The following CNTNAP3 variants were observed in gnomAD, a reference collection of about 807,000 sequenced individuals.
The protein encoded by CNTNAP3 is contactin associated protein family member 3.
A neutral mutation model predicts 92.1 loss-of-function variants in CNTNAP3; 36 were observed. The observed-to-expected ratio is 0.39, with a 90% CI of 0.30 to 0.52. The LOEUF (loss-of-function observed/expected upper bound fraction) is 0.52, where lower values mean the gene tolerates loss of function less well. CNTNAP3 is among the 20% of genes least tolerant of loss of function. The pLI is 0.76. For missense variants in CNTNAP3, 534 were observed against 1,069.6 expected, an observed-to-expected ratio of 0.50 and a Z score of 6.98; for synonymous variants, 232 against 422.3, an observed-to-expected ratio of 0.55 and a Z score of 5.53.
chr9:39,107,471 T>G (rs994751729), intron 15 of CNTNAP3, among the ~76,000 whole-genome samples: 4 of 151,916 alleles, frequency 2.6e-5, no homozygotes, highest in African/African-American at 7.3e-5. Flanking sequence ...AAAGAAAAAT[T>G]TCATAAGAGT....
At chr9:39,076,046 C>T (rs532282256) in intron 23 of CNTNAP3, among the ~76,000 whole-genome samples, 1 of 152,300 alleles carries the variant, frequency 6.6e-6, no homozygotes, top group South Asian at 2.1e-4. Context: ...CCAGGGGAAG[C>T]CTTCCACAGA....
intron 21 of CNTNAP3, among the ~76,000 whole-genome samples, chr9:39,083,355 T>G (rs1564068287): frequency 6.6e-6 from 1 of 152,088 alleles, no homozygotes; most frequent in Non-Finnish European, 1.5e-5. Flanking sequence ...TATATATATG[T>G]AATTTTTAAG....
chr9:39,120,715 C>T (rs1272801751), intron 13 of CNTNAP3, among the ~76,000 whole-genome samples: 1 of 152,012 alleles, frequency 6.6e-6, no homozygotes, highest in East Asian at 1.9e-4. Flanking sequence ...CAAAAGAAAA[C>T]TAAAATAATT....
intron 21 of CNTNAP3, among the ~76,000 whole-genome samples, chr9:39,084,485 C>T (rs1587698109): frequency 6.6e-6 from 1 of 152,138 alleles, no homozygotes; most frequent in African/African-American, 2.4e-5. Context: ...TAAGCCACCA[C>T]ACCCGGCCAC....
At chr9:39,088,200 G>A (rs1298109817) in intron 19 of CNTNAP3, among the ~76,000 whole-genome samples, 5 of 151,702 alleles carry the variant, frequency 3.3e-5, no homozygotes, top group African/African-American at 7.3e-5. Context: ...TATCAACTCC[G>A]TAAAATTATC....
At chr9:39,104,374 AGAT>A (rs1467344431) in intron 15 of CNTNAP3, among the ~76,000 whole-genome samples, 6 of 152,078 alleles carry the variant, frequency 3.9e-5, no homozygotes, top group Non-Finnish European at 7.4e-5. Context: ...GTTTCATTTG[AGAT>A]ATCTATTAGG....
intron 21 of CNTNAP3, among the ~76,000 whole-genome samples, chr9:39,081,637 C>T (rs867079627): frequency 1.6e-4 from 25 of 151,948 alleles, no homozygotes; most frequent in Middle Eastern, 3.4e-3. Context: ...GGGTTGTCTT[C>T]CCAGCCCACT....
chr9:39,121,432 C>A (rs1389890868), intron 13 of CNTNAP3, among the ~76,000 whole-genome samples: 1 of 152,096 alleles, frequency 6.6e-6, no homozygotes, highest in African/African-American at 2.4e-5. Context: ...CGTTAAGAGT[C>A]TGGAAGTCAT....
chr9:39,133,297 A>C (rs1191498287), intron 12 of CNTNAP3, among the ~76,000 whole-genome samples, 162 bp from the exon 13 acceptor site: 2 of 152,144 alleles, frequency 1.3e-5, no homozygotes, highest in African/African-American at 4.8e-5. Flanking sequence ...CAATGTACTG[A>C]GCCAGAACTC....
chr9:39,067,547 A>C lies in CNTNAP3; in HGVS notation c.*6343T>G, dbSNP rs1192298970. On this transcript the variant is annotated 3_prime_UTR_variant, in exon 24 of 24. Coordinates refer to ENST00000297668, the MANE Select transcript of CNTNAP3 (RefSeq NM_033655.5). The stretch of plus-strand genomic sequence containing the variant: ...CGAGTAGCTGGGACTTCAGGCGCCC[A>C]ACACCACGCCCGGCTAATTTTTGTA... Among the ~76,000 whole-genome samples the C allele has an allele frequency of 6.6e-6, 1 of 152,294 alleles. No individual in the cohort carries two copies. Among genetic ancestry groups the C allele is most frequent in the Non-Finnish European group, 1.5e-5 (1 of 68,050 alleles).
intron 3 of CNTNAP3, among the ~76,000 whole-genome samples, chr9:39,205,249 C>T (rs1319085922): frequency 3.1e-4 from 2 of 6,352 alleles, no homozygotes; most frequent in African/African-American, 5.1e-4. Context: ...ACTGCAACCT[C>T]CGCCTCCTGG....
intron 13 of CNTNAP3, among the ~76,000 whole-genome samples, chr9:39,125,330 G>A (rs1392778092): frequency 6.6e-6 from 1 of 152,016 alleles, no homozygotes; most frequent in African/African-American, 2.4e-5. Flanking sequence ...GACACAGGAA[G>A]GGGAACATCA....
chr9:39,114,433 A>G (rs1192638364), intron 14 of CNTNAP3, among the ~76,000 whole-genome samples: 2 of 152,100 alleles, frequency 1.3e-5, no homozygotes, highest in African/African-American at 4.8e-5. Context: ...AAGTGTAGTG[A>G]GATCTTTCTA....
Position 39,114,827 on chromosome 9 carries a change from A to C in CNTNAP3, c.2237+3276T>G, listed in dbSNP as rs536722491. 2.0e-5 allele frequency among the ~76,000 whole-genome samples: 3 copies of C among 151,942 alleles called. No homozygotes were observed. The South Asian group carries it at 6.2e-4, about 32-fold the overall frequency. On this transcript the variant is annotated intron_variant, in intron 14 of 23. Transcript: ENST00000297668. ...AAATTCTTAAGTAAAATAATATTAC[A>C]GTTACATGTGTCATCATTATATTAG...
intron 17 of CNTNAP3, 99 bp from the exon 18 acceptor site, chr9:39,100,249 T>A (rs1033822858): frequency 2.1e-5 from 32 of 1,526,936 alleles, no homozygotes; most frequent in Non-Finnish European, 2.7e-5. Flanking sequence ...GTGGCAATAA[T>A]CACAATGTGT....
At chr9:39,088,012 T>C (rs769372132) in intron 19 of CNTNAP3, among the ~76,000 whole-genome samples, 4 of 152,214 alleles carry the variant, frequency 2.6e-5, no homozygotes, top group Non-Finnish European at 5.9e-5. Context: ...CTTATAGGAA[T>C]TGGCTTTTAT....
chr9:39,209,298 C>T (rs1191633211), intron 3 of CNTNAP3, among the ~76,000 whole-genome samples: 1 of 5,644 alleles, frequency 1.8e-4, no homozygotes, highest in Non-Finnish European at 4.4e-4. Context: ...TTTGGCATCG[C>T]TGCAGGGTTC....
At chr9:39,112,468 C>T (rs1290948788) in intron 14 of CNTNAP3, among the ~76,000 whole-genome samples, 4 of 152,094 alleles carry the variant, frequency 2.6e-5, no homozygotes, top group South Asian at 2.1e-4. Flanking sequence ...AGGATTCAAG[C>T]AATTCTCCTG....
chr9:39,127,180 C>G (rs1480359310), intron 13 of CNTNAP3, among the ~76,000 whole-genome samples: 1 of 151,878 alleles, frequency 6.6e-6, no homozygotes, highest in South Asian at 2.1e-4. Context: ...AAAGAATATG[C>G]TTCAAAGAAA....
Sources: gnomAD v4.1 joint callset for allele counts (sites outside exome capture counted in the v4.1 genomes callset) on GRCh38, gnomAD v4.1.1 for gene constraint, MANE v1.5 for transcripts, NCBI Gene and HGNC (gene_info 2026-07-23, HGNC 2026-07-21) for gene names.